CA10: variants seen among roughly 807,000 people sequenced by gnomAD.
The protein encoded by CA10 is carbonic anhydrase 10 (inactive), also known as carbonic anhydrase-related protein 10.
A neutral mutation model predicts 44.2 loss-of-function variants in CA10; 14 were observed. The ratio of observed to expected loss-of-function variants is 0.32; its 90% CI spans 0.21 to 0.50. CA10 has a LOEUF of 0.50. CA10 is among the 20% of genes least tolerant of loss of function. CA10 has a pLI of 0.99. For synonymous variants in CA10, 159 were observed against 141.6 expected (o/e 1.12, Z -0.87); for missense variants, 350 against 409.7 (o/e 0.85, Z 1.26).
At chr17:52,027,677 T>C (rs1480403000) in intron 2 of CA10, among the ~76,000 whole-genome samples, 2 of 152,162 alleles carry the variant, frequency 1.3e-5, no homozygotes, top group African/African-American at 4.8e-5. Context: ...CATTCCCTTT[T>C]GCAGACCCTC....
intron 3 of CA10, among the ~76,000 whole-genome samples, chr17:51,773,848 T>C (rs1905704597): frequency 6.6e-6 from 1 of 152,230 alleles, no homozygotes. Context: ...CAATTGCTAC[T>C]TGCAACACAA....
At position 51,894,322 on chromosome 17, in the gene CA10, A is replaced by G. The variant is rs902083522; in HGVS notation, c.279+36668T>C. Among the ~76,000 whole-genome samples the G allele has an allele frequency of 2.6e-5, 4 of 152,134 alleles. No individual in the cohort carries two copies. The East Asian group carries it at 7.7e-4, about 29-fold the overall frequency. ...TTGTCCCCCAAGCAAAGCTGAAAGA[A>G]TAGCTTCCTGAATAAACTGGTGAAT... On this transcript the variant is annotated intron_variant, in intron 3 of 8. Coordinates refer to ENST00000451037, the MANE Select transcript of CA10 (RefSeq NM_020178.5).
intron 1 of CA10, among the ~76,000 whole-genome samples, chr17:52,101,255 A>T (rs935761881): frequency 6.6e-6 from 1 of 152,204 alleles, no homozygotes; most frequent in African/African-American, 2.4e-5. Context: ...TCTGCAACAC[A>T]TACATCCTTT....
At chr17:51,742,419 G>A (rs1252880540) in intron 4 of CA10, among the ~76,000 whole-genome samples, 1 of 152,126 alleles carries the variant, frequency 6.6e-6, no homozygotes, top group Non-Finnish European at 1.5e-5. Context: ...ATGGGGCCCT[G>A]GCTCTCAAGG....
At chr17:51,794,864 T>G (rs1386723752) in intron 3 of CA10, among the ~76,000 whole-genome samples, 2 of 152,232 alleles carry the variant, frequency 1.3e-5, no homozygotes, top group Non-Finnish European at 2.9e-5. Context: ...TTTTCAAACA[T>G]GTGAAATCCT....
intron 7 of CA10, among the ~76,000 whole-genome samples, chr17:51,633,987 C>T (rs1318324567): frequency 6.6e-6 from 1 of 152,208 alleles, no homozygotes; most frequent in East Asian, 1.9e-4. Flanking sequence ...CTCTTTGGTT[C>T]AATAATTCCA....
intron 1 of CA10, among the ~76,000 whole-genome samples, chr17:52,153,562 C>T (rs1023817834): frequency 4.6e-5 from 7 of 152,088 alleles, no homozygotes; most frequent in Admixed American, 1.3e-4. Context: ...TATGACTATG[C>T]ACCAAAGCTT....
chr17:52,133,407 C>G (rs1368927256), intron 1 of CA10, among the ~76,000 whole-genome samples: 1 of 152,062 alleles, frequency 6.6e-6, no homozygotes, highest in Non-Finnish European at 1.5e-5. Flanking sequence ...TGTCAGAGAT[C>G]CGCAATGCAG....
intron 3 of CA10, among the ~76,000 whole-genome samples, chr17:51,782,194 C>T (rs983808735): frequency 2.0e-5 from 3 of 152,226 alleles, no homozygotes; most frequent in African/African-American, 7.2e-5. Flanking sequence ...TCTGAATACT[C>T]CAAAGAATGT....
chr17:52,150,604 A>T (rs974971471), intron 1 of CA10, among the ~76,000 whole-genome samples: 1 of 152,176 alleles, frequency 6.6e-6, no homozygotes, highest in African/African-American at 2.4e-5. Flanking sequence ...TTAGTTAACC[A>T]TGGGTATATT....
intron 1 of CA10, among the ~76,000 whole-genome samples, chr17:52,087,191 A>G (rs919066438): frequency 7.9e-5 from 12 of 152,208 alleles, no homozygotes; most frequent in African/African-American, 2.9e-4. Flanking sequence ...CCCAGGCTGG[A>G]GGGCAGTGGC....
Position 51,798,255 on chromosome 17 carries a change from T to C in CA10, c.280-50437A>G, listed in dbSNP as rs1368092846. Among the ~76,000 whole-genome samples the C allele has an allele frequency of 3.3e-5, 5 of 152,344 alleles. No homozygotes were observed. The East Asian group carries it at 9.6e-4, about 29-fold the overall frequency. ...TCCTTATAGAAGCTCAGGTTCCTTC[T>C]ACGTTATTTAGGTGGGCACCTCAAG... On this transcript the variant is annotated intron_variant, in intron 3 of 8. Coordinates refer to ENST00000451037, the MANE Select transcript of CA10 (RefSeq NM_020178.5).
chr17:52,010,690 T>C (rs1985761108), intron 2 of CA10, among the ~76,000 whole-genome samples: 1 of 151,850 alleles, frequency 6.6e-6, no homozygotes. Context: ...GGGTGATGGG[T>C]ACACCAAAAT....
chr17:51,631,544 T>C lies in CA10; in HGVS notation c.*40A>G, dbSNP rs1213114828. ...TCTAGGTTACGTCAATTCACAGTTG[T>C]AGCATTTCACTGAGGTGGGATTCTT... On this transcript the variant is annotated 3_prime_UTR_variant, in exon 9 of 9. Coordinates refer to ENST00000451037, the MANE Select transcript of CA10 (RefSeq NM_020178.5). The C allele has an allele frequency of 2.5e-6, 4 of 1,577,612 alleles. No homozygotes were observed. Among genetic ancestry groups the C allele is most frequent in the East Asian group, 4.5e-5 (2 of 44,672 alleles).
intron 2 of CA10, among the ~76,000 whole-genome samples, chr17:52,035,245 A>G (rs916020001): frequency 3.9e-5 from 6 of 152,150 alleles, no homozygotes; most frequent in Non-Finnish European, 7.3e-5. Flanking sequence ...GAGCAGCTGG[A>G]TGTCAGAGAG....
chr17:51,805,414 C>A (rs1341395784), intron 3 of CA10, among the ~76,000 whole-genome samples: 1 of 152,140 alleles, frequency 6.6e-6, no homozygotes, highest in South Asian at 2.1e-4. Context: ...AATTACAGTG[C>A]TGTGAAGGCA....
intron 4 of CA10, among the ~76,000 whole-genome samples, chr17:51,722,652 C>T (rs1201963111): frequency 6.6e-6 from 1 of 152,188 alleles, no homozygotes; most frequent in Non-Finnish European, 1.5e-5. Context: ...ATTTGACACT[C>T]ACATTAGCCT....
intron 2 of CA10, among the ~76,000 whole-genome samples, chr17:51,969,704 G>T (rs1291958326): frequency 6.6e-6 from 1 of 151,868 alleles, no homozygotes; most frequent in African/African-American, 2.4e-5. Flanking sequence ...GTGTGCGAGG[G>T]ATTGTGTTAA....
intron 5 of CA10, among the ~76,000 whole-genome samples, chr17:51,650,988 C>T (rs1291922703): frequency 6.6e-6 from 1 of 152,184 alleles, no homozygotes; most frequent in African/African-American, 2.4e-5. Flanking sequence ...AATCTCAGTT[C>T]CCTGTGGTCA....
Sources: allele counts gnomAD v4.1 joint callset (sites outside exome capture counted in the v4.1 genomes callset), GRCh38; gene constraint gnomAD v4.1.1; transcripts MANE v1.5; gene names NCBI Gene and HGNC (gene_info 2026-07-23, HGNC 2026-07-21).